GRIK2: variants seen among roughly 807,000 people sequenced by gnomAD.
GRIK2 encodes the protein glutamate ionotropic receptor kainate type subunit 2, also known as glutamate receptor ionotropic, kainate 2.
GRIK2 carries 32 observed loss-of-function variants against 100.3 expected under a neutral mutation model. That is an observed-to-expected ratio of 0.32 (90% CI 0.24 to 0.43). The LOEUF is 0.43. Among genes scored for constraint, GRIK2 ranks in the 20% least tolerant of loss-of-function variants. GRIK2 has a pLI of 1.00. For missense variants in GRIK2, 843 were observed against 1,114.9 expected (o/e 0.76, Z 3.47); for synonymous variants, 417 against 389.4 (o/e 1.07, Z -0.83).
chr6:101,975,394 AAAG>A (rs1793302177), intron 14 of GRIK2, among the ~76,000 whole-genome samples: 2 of 151,910 alleles, frequency 1.3e-5, no homozygotes, highest in South Asian at 4.1e-4. Flanking sequence ...ATAACCCAAA[AAAG>A]GAGATTGAGA....
At chr6:101,443,041 T>C (rs145829607) in intron 2 of GRIK2, among the ~76,000 whole-genome samples, 3 of 152,296 alleles carry the variant, frequency 2.0e-5, no homozygotes, top group Non-Finnish European at 4.4e-5. Context: ...CATCACACTA[T>C]TTCATTTTTC....
chr6:101,917,256 T>C (rs778054119), intron 12 of GRIK2, among the ~76,000 whole-genome samples: 2 of 151,640 alleles, frequency 1.3e-5, no homozygotes, highest in Non-Finnish European at 3.0e-5. Context: ...CTATTTTCTT[T>C]TGTACTGGAG....
At chr6:101,504,229 A>C (rs1773910161) in intron 2 of GRIK2, among the ~76,000 whole-genome samples, 1 of 152,148 alleles carries the variant, frequency 6.6e-6, no homozygotes, top group Non-Finnish European at 1.5e-5. Context: ...CACATATTTA[A>C]AATCGTATGT....
intron 4 of GRIK2, 47 bp from the exon 5 acceptor site, chr6:101,676,576 A>AT: frequency 1.8e-6 from 2 of 1,137,930 alleles, no homozygotes; most frequent in Admixed American, 2.6e-5. Flanking sequence ...GCCCTACTCT[A>AT]TTTTTTATCT....
intron 10 of GRIK2, among the ~76,000 whole-genome samples, chr6:101,851,952 A>G (rs755794072): frequency 8.4e-5 from 4 of 47,864 alleles, no homozygotes; most frequent in Non-Finnish European, 1.6e-4. Context: ...GCTGTTGACT[A>G]TGGGCAAAAA....
At chr6:101,403,676 C>T (rs1039546651) in intron 2 of GRIK2, among the ~76,000 whole-genome samples, 2 of 152,292 alleles carry the variant, frequency 1.3e-5, no homozygotes, top group African/African-American at 2.4e-5. Flanking sequence ...CAAGCCGCCA[C>T]TCTACAAATT....
At chr6:101,769,715 A>G (rs1204564541) in intron 7 of GRIK2, among the ~76,000 whole-genome samples, 1 of 152,316 alleles carries the variant, frequency 6.6e-6, no homozygotes, top group East Asian at 1.9e-4. Flanking sequence ...TAGCCTGTCA[A>G]CCTAAGTAAC....
At chr6:102,051,213 A>C (rs776449208) in intron 15 of GRIK2, among the ~76,000 whole-genome samples, 1 of 151,748 alleles carries the variant, frequency 6.6e-6, no homozygotes, top group Non-Finnish European at 1.5e-5. Flanking sequence ...TTCACTATGT[A>C]ATAACTGTAT....
chr6:101,950,620 G>C (rs975726263), intron 14 of GRIK2, among the ~76,000 whole-genome samples: 2 of 152,090 alleles, frequency 1.3e-5, no homozygotes, highest in African/African-American at 4.8e-5. Flanking sequence ...CCTGCCTCTG[G>C]AATAGGACAG....
chr6:101,508,672 T>C lies in GRIK2; in HGVS notation c.115+109280T>C, dbSNP rs1395000117. Among the ~76,000 whole-genome samples the C allele has an allele frequency of 6.6e-5, 10 of 152,330 alleles. No individual in the cohort carries two copies. The East Asian group carries it at 1.9e-3, about 29-fold the overall frequency. On this transcript the variant is annotated intron_variant, in intron 2 of 16. Transcript: ENST00000369134. ...AGAAATCTTTATGCTTATGCAGAGATCCTTGGCCTGGATAACATTATAATT... is the reference window on the plus strand; with the variant it reads ...AGAAATCTTTATGCTTATGCAGAGACCCTTGGCCTGGATAACATTATAATT...
intron 2 of GRIK2, among the ~76,000 whole-genome samples, chr6:101,402,228 A>C (rs1239193737): frequency 6.6e-6 from 1 of 152,130 alleles, no homozygotes; most frequent in South Asian, 2.1e-4. Flanking sequence ...TGTATGGCAC[A>C]CACAATAACA....
intron 14 of GRIK2, among the ~76,000 whole-genome samples, chr6:101,943,660 G>C (rs1033604180): frequency 2.0e-5 from 3 of 152,160 alleles, no homozygotes; most frequent in African/African-American, 7.2e-5. Flanking sequence ...TGCCCTACTG[G>C]ATTTTGGAAT....
chr6:101,660,031 G>T (rs943545272), intron 4 of GRIK2, among the ~76,000 whole-genome samples: 1 of 152,198 alleles, frequency 6.6e-6, no homozygotes, highest in East Asian at 1.9e-4. Context: ...TTGCTAGGTT[G>T]GGGAAGTTCT....
chr6:101,910,412 T>C (rs1295078998), intron 12 of GRIK2, among the ~76,000 whole-genome samples: 1 of 151,308 alleles, frequency 6.6e-6, no homozygotes, highest in Non-Finnish European at 1.5e-5. Context: ...TAATGTTTGC[T>C]TTGGCCATAA....
At chr6:101,644,047 C>G (rs1460156488) in intron 4 of GRIK2, among the ~76,000 whole-genome samples, 1 of 151,628 alleles carries the variant, frequency 6.6e-6, no homozygotes, top group Non-Finnish European at 1.5e-5. Context: ...ACTTTATATA[C>G]TGATGACATA....
At chr6:101,859,258 C>A in intron 10 of GRIK2, 29 bp from the exon 11 acceptor site, 1 of 1,170,294 alleles carries the variant, frequency 8.5e-7, no homozygotes, top group Non-Finnish European at 1.3e-6. Context: ...TTAACTGTTA[C>A]CTCTTTTCTT....
chr6:101,866,231 T>C (rs1241811710), intron 11 of GRIK2, among the ~76,000 whole-genome samples: 1 of 152,180 alleles, frequency 6.6e-6, no homozygotes, highest in Non-Finnish European at 1.5e-5. Flanking sequence ...CTCATCCCTC[T>C]CCAGGTGTAA....
rs143144638 is a variant in GRIK2 at position 101,689,252 on chromosome 6, T to C, written c.951+2899T>C. ...TCAATTCATGAGATCTCAGTGTTTA[T>C]GTATCTCTTTTTCTTTTTATCCCCT... On this transcript the variant is annotated intron_variant, in intron 7 of 16. Transcript: ENST00000369134. 2.5e-3 allele frequency among the ~76,000 whole-genome samples: 386 copies of C among 152,198 alleles called. 6 individuals are homozygous for C. The highest frequency in any genetic ancestry group is 9.0e-3 in the African/African-American group (373 of 41,570).
chr6:101,433,367 C>A (rs1231183034), intron 2 of GRIK2, among the ~76,000 whole-genome samples: 1 of 152,042 alleles, frequency 6.6e-6, no homozygotes, highest in African/African-American at 2.4e-5. Context: ...TGCTTTTATA[C>A]CTGCGTGACG....
Sources: allele counts gnomAD v4.1 joint callset (sites outside exome capture counted in the v4.1 genomes callset), GRCh38; gene constraint gnomAD v4.1.1; transcripts MANE v1.5; gene names NCBI Gene and HGNC (gene_info 2026-07-23, HGNC 2026-07-21).